The following TRDN variants were observed in gnomAD, a reference collection of about 807,000 sequenced individuals.
The protein encoded by TRDN is triadin in skeletal muscle.
TRDN carries 161 observed loss-of-function variants against 149.7 expected under a neutral mutation model. That is an observed-to-expected ratio of 1.08 (90% confidence interval 0.95 to 1.23). The LOEUF (loss-of-function observed/expected upper bound fraction) is 1.23. Ranked by LOEUF, TRDN falls within the 50% of genes most tolerant of loss-of-function variation. TRDN has a pLI of 0.00. For missense variants in TRDN, 896 were observed against 823.5 expected (o/e 1.09, Z -1.08); for synonymous variants, 294 against 250.5 (o/e 1.17, Z -1.64).
intron 7 of TRDN, among the ~76,000 whole-genome samples, chr6:123,505,012 A>G (rs1297935786): frequency 1.3e-5 from 2 of 152,080 alleles, no homozygotes; most frequent in African/African-American, 4.8e-5. Context: ...TTGGGAGACC[A>G]AGGCGGGCGG....
At chr6:123,400,359 C>T (rs889703959) in intron 12 of TRDN, among the ~76,000 whole-genome samples, 6 of 151,688 alleles carry the variant, frequency 4.0e-5, no homozygotes, top group Non-Finnish European at 5.9e-5. Flanking sequence ...TTGTGGAAGA[C>T]AGTTTATGCT....
chr6:123,376,811 A>C (rs746912049), intron 18 of TRDN, among the ~76,000 whole-genome samples: 2 of 152,068 alleles, frequency 1.3e-5, no homozygotes, highest in Admixed American at 6.6e-5. Context: ...GATTGAGCAG[A>C]TGCTATTTCC....
intron 12 of TRDN, among the ~76,000 whole-genome samples, chr6:123,406,747 A>T (rs1773207745): frequency 6.6e-6 from 1 of 152,196 alleles, no homozygotes; most frequent in Non-Finnish European, 1.5e-5. Context: ...CTATACAGCA[A>T]ATTTATAGAA....
chr6:123,289,776 T>A (rs529516143), intron 24 of TRDN, among the ~76,000 whole-genome samples: 8 of 152,244 alleles, frequency 5.3e-5, no homozygotes, highest in African/African-American at 1.9e-4. Flanking sequence ...GAGTTACCCA[T>A]CTTGAGTCAA....
At chr6:123,340,829 G>A (rs955363486) in intron 21 of TRDN, among the ~76,000 whole-genome samples, 1 of 151,806 alleles carries the variant, frequency 6.6e-6, no homozygotes, top group African/African-American at 2.4e-5. Context: ...AACTTATAAC[G>A]CACATCATCA....
At chr6:123,311,607 A>T (rs527646505) in intron 24 of TRDN, among the ~76,000 whole-genome samples, 1 of 152,124 alleles carries the variant, frequency 6.6e-6, no homozygotes, top group Admixed American at 6.6e-5. Context: ...TCTCTAATTC[A>T]GTCTCTAGAT....
chr6:123,304,688 G>A (rs982339625), intron 24 of TRDN, among the ~76,000 whole-genome samples: 1 of 151,956 alleles, frequency 6.6e-6, no homozygotes, highest in African/African-American at 2.4e-5. Flanking sequence ...TGTTTTCGGT[G>A]CACAGCATTA....
chr6:123,584,804 G>A (rs1486256037), intron 1 of TRDN, among the ~76,000 whole-genome samples: 62 of 152,238 alleles, frequency 4.1e-4, no homozygotes, highest in African/African-American at 1.2e-3. Context: ...AATGGATTGT[G>A]GAGGGAGGTA....
intron 20 of TRDN, among the ~76,000 whole-genome samples, chr6:123,358,001 T>G (rs1041942255): frequency 3.2e-4 from 48 of 152,336 alleles, no homozygotes; most frequent in African/African-American, 1.1e-3. Flanking sequence ...AATTCATCAA[T>G]TCTAATTCTA....
intron 9 of TRDN, among the ~76,000 whole-genome samples, chr6:123,479,728 C>A (rs554187300): frequency 6.6e-6 from 1 of 152,058 alleles, no homozygotes; most frequent in East Asian, 1.9e-4. Context: ...AGGGAATGAA[C>A]AAAACATAAG....
At chr6:123,361,781 G>T (rs981899124) in intron 20 of TRDN, among the ~76,000 whole-genome samples, 1 of 151,886 alleles carries the variant, frequency 6.6e-6, no homozygotes, top group African/African-American at 2.4e-5. Flanking sequence ...TGCAGTTACT[G>T]AAGTTATTTT....
chr6:123,271,178 CT>C lies in TRDN; in HGVS notation c.1680del (p.Val561PhefsTer5). The C allele has an allele frequency of 1.3e-6, 2 of 1,538,848 alleles. No individual in the cohort carries two copies. The highest frequency in any genetic ancestry group is 2.4e-5 in the East Asian group (1 of 41,746). On this transcript the variant is annotated frameshift_variant, in exon 30 of 41. Coordinates refer to ENST00000334268, the MANE Select transcript of TRDN (RefSeq NM_006073.4). LOFTEE classifies it high-confidence loss of function. ...KTVSHGKPEE[K>X]VLKQVKAVTI... ...GTGACAGCTTTTACCTGCTTGAGAA[CT>C]TTTTCTTCTGTGATAGGAAAAAATG...
chr6:123,308,924 T>C (rs566114935), intron 24 of TRDN, among the ~76,000 whole-genome samples: 1 of 152,064 alleles, frequency 6.6e-6, no homozygotes, highest in Admixed American at 6.6e-5. Flanking sequence ...ACTTAAAAAA[T>C]CATTTACTGA....
chr6:123,522,573 A>T (rs913359271), intron 5 of TRDN, among the ~76,000 whole-genome samples: 2 of 63,440 alleles, frequency 3.2e-5, no homozygotes, highest in African/African-American at 6.5e-5. Flanking sequence ...TATCTGTACT[A>T]TTATAATTTT....
intron 7 of TRDN, among the ~76,000 whole-genome samples, chr6:123,505,312 A>G (rs1778875901): frequency 6.6e-6 from 1 of 151,084 alleles, no homozygotes; most frequent in East Asian, 2.0e-4. Context: ...TGACTTTGGT[A>G]CCCTAAATGA....
chr6:123,571,275 C>T (rs1782564682), intron 1 of TRDN, 143 bp from the exon 2 acceptor site: 1 of 780,126 alleles, frequency 1.3e-6, no homozygotes, highest in East Asian at 2.7e-5. Context: ...GACAAAGCCT[C>T]CCTGCCCACT....
chr6:123,303,460 G>T (rs1465536856), intron 24 of TRDN, among the ~76,000 whole-genome samples: 5 of 152,084 alleles, frequency 3.3e-5, no homozygotes, highest in Non-Finnish European at 5.9e-5. Context: ...CAAACGACAT[G>T]AATACCACAT....
At position 123,218,351 on chromosome 6, in the gene TRDN, A is replaced by G. The variant is rs2114491725; in HGVS notation, c.*250T>C. ...GTGTACAACCTTATAGTGACTGGAA[A>G]TAAGATAAATACAAGCACCCCCTCC... On this transcript the variant is annotated 3_prime_UTR_variant, in exon 41 of 41. Transcript: ENST00000334268. 1 of 395,330 alleles carries G rather than the reference A, an allele frequency of 2.5e-6. No individual in the cohort carries two copies. Among genetic ancestry groups the G allele is most frequent in the East Asian group, 4.4e-5 (1 of 22,980 alleles). The allele number at this position is 395,330 out of a possible 1,614,324, so 24.5% of individuals were successfully genotyped here.
At chr6:123,221,835 G>A (rs1438413518) in intron 39 of TRDN, among the ~76,000 whole-genome samples, 1 of 151,744 alleles carries the variant, frequency 6.6e-6, no homozygotes. Context: ...TCCCTTTCCT[G>A]AGAAGGGATC....
Sources: gnomAD v4.1 joint callset for allele counts (sites outside exome capture counted in the v4.1 genomes callset) on GRCh38, gnomAD v4.1.1 for gene constraint, MANE v1.5 for transcripts, NCBI Gene and HGNC (gene_info 2026-07-23, HGNC 2026-07-21) for gene names.